ZNF462: variants seen among roughly 807,000 people sequenced by gnomAD.
The protein encoded by ZNF462 is zinc finger PBX1-interacting protein.
A neutral mutation model predicts 201.9 loss-of-function variants in ZNF462; 10 were observed. The ratio of observed to expected loss-of-function variants is 0.05; its 90% CI spans 0.03 to 0.08. ZNF462 has a LOEUF of 0.08. ZNF462 is among the 10% of genes least tolerant of loss of function. The pLI is 1.00. For synonymous variants in ZNF462, 1,227 were observed against 1,193.3 expected, an observed-to-expected ratio of 1.03 and a Z score of -0.58; for missense variants, 2,523 against 3,168.3, an observed-to-expected ratio of 0.80 and a Z score of 4.89.
In ZNF462 at chr9:106,963,928, G is replaced by A. The variant is rs1831954138; in HGVS notation, c.6428-8077G>A. 6.6e-6 allele frequency among the ~76,000 whole-genome samples: 1 copy of A among 151,822 alleles called. No individual in the cohort carries two copies. The highest frequency in any genetic ancestry group is 2.4e-5 in the African/African-American group (1 of 41,326). ...CTGCTCTAGGTGCCTCATGGAAGTG[G>A]CATCGTGCAGTATTTGTCCCTCTGT... On this transcript the variant is annotated intron_variant, in intron 7 of 12. Transcript: ENST00000277225. This position sits in a 1 kb window ranked among gnomAD's most constrained non-coding sequence, Gnocchi z 4.7.
chr9:106,959,351 ATTCTGCAG>A (rs1286447783), intron 7 of ZNF462, among the ~76,000 whole-genome samples: 1 of 152,114 alleles, frequency 6.6e-6, no homozygotes, highest in African/African-American at 2.4e-5. Flanking sequence ...GTTCCACTTG[ATTCTGCAG>A]TCCAGTAAAG....
Position 106,927,658 on chromosome 9 carries a change from T to G in ZNF462, c.3746T>G (p.Leu1249Arg). ...CAGAAGAAGCCTGCCAGCTGCGTGC[T>G]TGTCTCCCCCTCTAATCTGGAGCGG... is the stretch of plus-strand genomic sequence containing the variant. ...RNQKKPASCV[L>R]VSPSNLERDK... is the part of the protein sequence containing the mutation. The change falls in exon 3 of 13, where the codon CTT (leucine) becomes CGT (arginine). Residue 1249 changes from leucine (L) to arginine (R), a missense_variant. By Grantham distance (102) the Leu-to-Arg change is moderately radical (BLOSUM62 -2). Around this residue, in one of 15 missense-constraint regions of ZNF462, gnomAD observed 222 missense variants for 271.6 expected, o/e 0.82. Coordinates refer to ENST00000277225, the MANE Select transcript of ZNF462 (RefSeq NM_021224.6). 6.2e-7 allele frequency: 1 copy of G among 1,614,024 alleles called. No homozygotes were observed. The highest frequency in any genetic ancestry group is 8.5e-7 in the Non-Finnish European group (1 of 1,180,030).
Position 107,013,619 on chromosome 9 carries a change from A to T in ZNF462, c.*2589A>T, listed in dbSNP as rs1830042229. On this transcript the variant is annotated 3_prime_UTR_variant, in exon 13 of 13. Coordinates refer to ENST00000277225, the MANE Select transcript of ZNF462 (RefSeq NM_021224.6). Reference sequence around the variant, plus strand: ...ATGAAATGTGAGAAATTAATAAAGAATTTTTTTCACATGTGTCTATGTGCA... The same window carrying T: ...ATGAAATGTGAGAAATTAATAAAGATTTTTTTTCACATGTGTCTATGTGCA... 1 of 152,232 alleles carries T rather than the reference A, an allele frequency of 6.6e-6. No homozygotes were observed. 9.4% of individuals were successfully genotyped at this position (152,232 alleles called of 1,614,324 possible).
intron 1 of ZNF462, among the ~76,000 whole-genome samples, chr9:106,910,014 T>C (rs1588038841): frequency 6.6e-6 from 1 of 152,210 alleles, no homozygotes; most frequent in African/African-American, 2.4e-5. Context: ...TCTTCTCCAC[T>C]TGCTTTCATC....
Position 106,978,911 on chromosome 9 carries a change from G to T in ZNF462, c.6832+4638G>T. The T allele has an allele frequency of 3.1e-6, 1 of 324,404 alleles. No individual in the cohort carries two copies. The highest frequency in any genetic ancestry group is 5.9e-6 in the Non-Finnish European group (1 of 168,884). 20.1% of individuals were successfully genotyped at this position (324,404 alleles called of 1,614,324 possible). A position where few individuals can be genotyped will look rare whatever the true frequency, so the allele number is the denominator to read the frequency against. On this transcript the variant is annotated intron_variant, in intron 9 of 12. Coordinates refer to ENST00000277225, the MANE Select transcript of ZNF462 (RefSeq NM_021224.6). The surrounding 1 kb of genome is among the most constrained non-coding windows in gnomAD (Gnocchi z 4.1). Reference sequence around the variant, plus strand: ...CATATCTGTCATTATAATTGGTCCTGATGGCTTCTACCAGCTTAGCCAAAG... The same window carrying T: ...CATATCTGTCATTATAATTGGTCCTTATGGCTTCTACCAGCTTAGCCAAAG...
intron 10 of ZNF462, among the ~76,000 whole-genome samples, chr9:106,998,414 T>C (rs991188459): frequency 1.3e-5 from 2 of 152,160 alleles, no homozygotes; most frequent in African/African-American, 4.8e-5. Context: ...TTGATAATAT[T>C]TGTAAATCAC....
In ZNF462 at chr9:106,970,532, A is replaced by G. The variant is rs945003185; in HGVS notation, c.6428-1473A>G. On this transcript the variant is annotated intron_variant, in intron 7 of 12. Transcript: ENST00000277225. This position sits in a 1 kb window ranked among gnomAD's most constrained non-coding sequence, Gnocchi z 4.2. ...GCCTTAGGGAATTATGCTTTGGAAA[A>G]TTAAGTGTCCATCAAATCAGGAGGA... Among the ~76,000 whole-genome samples, 3 of 152,150 alleles carry G rather than the reference A, an allele frequency of 2.0e-5. No homozygotes were observed. Among genetic ancestry groups the G allele is most frequent in the African/African-American group, 7.2e-5 (3 of 41,438 alleles).
At chr9:106,918,324 T>G (rs771887877) in intron 1 of ZNF462, among the ~76,000 whole-genome samples, 2 of 152,212 alleles carry the variant, frequency 1.3e-5, no homozygotes, top group Admixed American at 6.5e-5. Flanking sequence ...GAAAATTAAT[T>G]ACATATATCT....
At chr9:106,916,418 C>A (rs1175387179) in intron 1 of ZNF462, among the ~76,000 whole-genome samples, 2 of 152,230 alleles carry the variant, frequency 1.3e-5, no homozygotes. Context: ...GAAGACCCAG[C>A]AGCATATCTG....
In ZNF462 at chr9:106,935,612, G is replaced by T; in HGVS notation, c.6226G>T (p.Ala2076Ser). Residue 2076 changes from alanine (A) to serine (S), a missense_variant, in exon 6 of 13, where the codon GCT becomes TCT. Around this residue, in one of 15 missense-constraint regions of ZNF462, gnomAD observed 138 missense variants for 146.3 expected, o/e 0.94. Coordinates refer to ENST00000277225, the MANE Select transcript of ZNF462 (RefSeq NM_021224.6). This position sits in a 1 kb window ranked among gnomAD's most constrained non-coding sequence, Gnocchi z 4.1. ...CCGGCTGAAAACACATATACTCAAA[G>T]CTCATGCTGGTGAGTTGTGCATTGA... The part of the protein sequence containing the change: ...NSRLKTHILK[A>S]HAGEHAYKCS... 1 of 1,613,604 alleles carries T rather than the reference G, an allele frequency of 6.2e-7. No homozygotes were observed. The highest frequency in any genetic ancestry group is 8.5e-7 in the Non-Finnish European group (1 of 1,179,670).
Position 106,926,634 on chromosome 9 carries a change from C to T in ZNF462, c.2722C>T (p.His908Tyr), listed in dbSNP as rs1349574810. 6.2e-7 allele frequency: 1 copy of T among 1,613,982 alleles called. No homozygotes were observed. Among genetic ancestry groups the T allele is most frequent in the Non-Finnish European group, 8.5e-7 (1 of 1,180,026 alleles). The change falls in exon 3 of 13, where the codon CAC becomes TAC. Residue 908 changes from histidine to tyrosine, a missense_variant. By Grantham distance (83) the His-to-Tyr change is moderately conservative (BLOSUM62 2). Transcript: ENST00000277225. This position sits in a 1 kb window ranked among gnomAD's most constrained non-coding sequence, Gnocchi z 7.9. ...FEDLQQHYGE[H>Y]HPEAMNVLNF... is the part of the protein sequence containing the mutation. ...AGATCTCCAGCAGCATTATGGCGAG[C>T]ACCACCCAGAAGCCATGAATGTACT...
chr9:106,891,348 C>T (rs1828567448), intron 1 of ZNF462, among the ~76,000 whole-genome samples: 1 of 152,216 alleles, frequency 6.6e-6, no homozygotes, highest in South Asian at 2.1e-4. Flanking sequence ...TGTTTTCCCC[C>T]TGAGTTATCT....
rs139091930 is a variant in ZNF462, at chr9:106,924,193, G to A, written c.281G>A (p.Gly94Asp). The A allele has an allele frequency of 6.2e-7, 1 of 1,614,030 alleles. No individual in the cohort carries two copies. The highest frequency in any genetic ancestry group is 8.5e-7 in the Non-Finnish European group (1 of 1,180,002). ...GYYGHSPGYY[G>D]QHIAANPKPT... ...TATGGCCACAGTCCAGGATATTATG[G>A]TCAGCATATTGCCGCTAATCCCAAA... Residue 94 changes from glycine (G) to aspartate (D), a missense_variant, in exon 3 of 13, where the codon GGT (glycine) becomes GAT (aspartate). By Grantham distance (94) the Gly-to-Asp change is moderately conservative. This residue lies in a region of ZNF462 where 480 missense variants were observed against 544.4 expected (regional missense o/e 0.88). Transcript: ENST00000277225. The surrounding 1 kb of genome is among the most constrained non-coding windows in gnomAD (Gnocchi z 6.2).
At chr9:106,897,974 C>T (rs1158024113) in intron 1 of ZNF462, among the ~76,000 whole-genome samples, 1 of 152,214 alleles carries the variant, frequency 6.6e-6, no homozygotes, top group Non-Finnish European at 1.5e-5. Context: ...TACAGCCTTG[C>T]AGTTCCTCAG....
intron 1 of ZNF462, among the ~76,000 whole-genome samples, chr9:106,874,385 C>A (rs558501369): frequency 6.6e-6 from 1 of 152,256 alleles, no homozygotes; most frequent in African/African-American, 2.4e-5. Context: ...ACCCAGGCTA[C>A]CCTCAGGAAC....
chr9:106,972,403 G>C lies in ZNF462; in HGVS notation c.6695+131G>C. 7.6e-7 allele frequency: 1 copy of C among 1,319,392 alleles called. No individual in the cohort carries two copies. The highest frequency in any genetic ancestry group is 1.0e-6 in the Non-Finnish European group (1 of 971,904). The allele number at this position is 1,319,392 out of a possible 1,614,324, so 81.7% of individuals were successfully genotyped here. On this transcript the variant is annotated intron_variant, in intron 8 of 12. Transcript: ENST00000277225. The surrounding 1 kb of genome is among the most constrained non-coding windows in gnomAD (Gnocchi z 4.8). The stretch of plus-strand genomic sequence containing the variant: ...CTGCCCATGTGATGATGTAGGGGTT[G>C]GGTCCAGGCTTCATGGAAGGAGGGT...
chr9:106,957,823 T>A (rs1831648298), intron 7 of ZNF462, among the ~76,000 whole-genome samples: 1 of 152,152 alleles, frequency 6.6e-6, no homozygotes, highest in Non-Finnish European at 1.5e-5. Flanking sequence ...AAAGGGTGGC[T>A]GATGATTACA....
At chr9:106,884,737 T>C (rs1301884784) in intron 1 of ZNF462, among the ~76,000 whole-genome samples, 2 of 152,202 alleles carry the variant, frequency 1.3e-5, no homozygotes, top group African/African-American at 4.8e-5. Flanking sequence ...TTTTTGTTTG[T>C]TTGTTTGTTT....
intron 7 of ZNF462, among the ~76,000 whole-genome samples, chr9:106,960,952 G>A (rs761867422): frequency 1.3e-5 from 2 of 152,092 alleles, no homozygotes; most frequent in Non-Finnish European, 2.9e-5. Flanking sequence ...ACATATCTGG[G>A]ATGAGTGCAT....
Sources: gnomAD v4.1 joint callset for allele counts (sites outside exome capture counted in the v4.1 genomes callset) on GRCh38, gnomAD v4.1.1 for gene constraint, gnomAD v4.1.1 regional missense constraint, Gnocchi (gnomAD v3.1) non-coding constraint, MANE v1.5 for transcripts, NCBI Gene and HGNC (gene_info 2026-07-23, HGNC 2026-07-21) for gene names.